Variants in CEP85L observed in about 807,000 individuals in gnomAD.
CEP85L encodes the protein centrosomal protein 85L.
A neutral mutation model predicts 100.3 loss-of-function variants in CEP85L; 60 were observed. The observed-to-expected ratio is 0.60, with a 90% CI of 0.49 to 0.74. CEP85L has a LOEUF of 0.74. Among genes scored for constraint, CEP85L ranks in the 30% least tolerant of loss-of-function variants. The pLI is 0.00. For synonymous variants in CEP85L, 319 were observed against 322.7 expected (o/e 0.99, Z 0.12); for missense variants, 973 against 936.2 (o/e 1.04, Z -0.51).
At chr6:118,495,464 G>A (rs1427840846) in intron 5 of CEP85L, among the ~76,000 whole-genome samples, 2 of 152,106 alleles carry the variant, frequency 1.3e-5, no homozygotes, top group Admixed American at 1.3e-4. Flanking sequence ...GTCTTACAAA[G>A]GGCTTTTCCC....
intron 1 of CEP85L, among the ~76,000 whole-genome samples, chr6:118,684,408 G>C (rs1776764761): frequency 6.6e-6 from 1 of 152,160 alleles, no homozygotes; most frequent in South Asian, 2.1e-4. Flanking sequence ...GAACTGGGAG[G>C]ATGGCTTGAG....
chr6:118,509,883 A>T (rs1775868791), intron 5 of CEP85L, among the ~76,000 whole-genome samples: 1 of 152,100 alleles, frequency 6.6e-6, no homozygotes, highest in Non-Finnish European at 1.5e-5. Context: ...ATAATTAAGG[A>T]AAGTAGCCAT....
intron 2 of CEP85L, among the ~76,000 whole-genome samples, chr6:118,612,998 C>T (rs971687292): frequency 1.3e-5 from 2 of 151,820 alleles, no homozygotes; most frequent in Non-Finnish European, 2.9e-5. Flanking sequence ...GCGGGCGGAT[C>T]GCCTGAAGTC....
chr6:118,652,658 T>C (rs1370931495), upstream of CEP85L: 7 of 1,530,224 alleles, frequency 4.6e-6, no homozygotes, highest in South Asian at 7.2e-5. Flanking sequence ...CTTAAAATTC[T>C]TGGAAGTTAA....
chr6:118,582,856 T>C (rs1175858949), intron 2 of CEP85L, among the ~76,000 whole-genome samples: 1 of 152,156 alleles, frequency 6.6e-6, no homozygotes, highest in Non-Finnish European at 1.5e-5. Context: ...TAGGACCAGA[T>C]AGCACCCTAG....
intron 1 of CEP85L, among the ~76,000 whole-genome samples, chr6:118,661,674 A>G (rs1490916159): frequency 6.6e-6 from 1 of 152,164 alleles, no homozygotes; most frequent in East Asian, 1.9e-4. Flanking sequence ...TAAATCTCTA[A>G]TAATGTAAAT....
chr6:118,501,283 C>G (rs1775284370), intron 5 of CEP85L: 1 of 368,208 alleles, frequency 2.7e-6, no homozygotes. Context: ...CTTGGGGTGC[C>G]ACTTCTGGTC....
chr6:118,558,654 C>CAGAGAGAGAGAGAGAGAGAGAG (rs1376671743), intron 3 of CEP85L, among the ~76,000 whole-genome samples: 3 of 131,546 alleles, frequency 2.3e-5, no homozygotes, highest in African/African-American at 9.8e-5. Context: ...CACACACACA[C>CAGAGAGAGAGAGAGAGAGAGAG]ACACACAGAG....
intron 3 of CEP85L, among the ~76,000 whole-genome samples, chr6:118,562,079 T>C (rs1419861906): frequency 6.6e-6 from 1 of 152,156 alleles, no homozygotes; most frequent in Non-Finnish European, 1.5e-5. Context: ...TTTTATTCAT[T>C]AAAACAGGTA....
At chr6:118,608,753 A>G (rs189333992) in intron 2 of CEP85L, among the ~76,000 whole-genome samples, 1 of 152,346 alleles carries the variant, frequency 6.6e-6, no homozygotes, top group Admixed American at 6.5e-5. Flanking sequence ...AATGTGTTAT[A>G]CATATAAACA....
chr6:118,637,455 T>C lies in CEP85L; in HGVS notation c.74-4844A>G, dbSNP rs531185895. On this transcript the variant is annotated intron_variant, in intron 1 of 12. Coordinates refer to ENST00000368491, the MANE Select transcript of CEP85L (RefSeq NM_001042475.3). ...GCTCACACCTGTAATCCCAGCACTT[T>C]GGGAGGCCAACGCTGGCAGACAGCT... 1.1e-4 allele frequency among the ~76,000 whole-genome samples: 16 copies of C among 151,728 alleles called. No individual in the cohort carries two copies. In the South Asian group the frequency reaches 3.3e-3, roughly 32 times the overall value.
intron 6 of CEP85L, among the ~76,000 whole-genome samples, chr6:118,486,344 G>T (rs1774180940): frequency 1.3e-5 from 2 of 152,012 alleles, no homozygotes; most frequent in African/African-American, 4.8e-5. Context: ...TTTTCAAAGA[G>T]GTATGACGCA....
rs1772304359 is a variant in CEP85L, at chr6:118,462,922, T to G, written c.*2483A>C. The G allele has an allele frequency of 1.3e-5, 2 of 152,006 alleles. No homozygotes were observed. The highest frequency in any genetic ancestry group is 4.8e-5 in the African/African-American group (2 of 41,432). 9.4% of individuals were successfully genotyped at this position (152,006 alleles called of 1,614,324 possible). ...ACAAAATCCCTCCAAGTCTATCTAC[T>G]GTTTATGTAGGCCCCTTTACAAACT... On this transcript the variant is annotated 3_prime_UTR_variant, in exon 13 of 13. Coordinates refer to ENST00000368491, the MANE Select transcript of CEP85L (RefSeq NM_001042475.3).
At chr6:118,616,855 G>C (rs1452252193) in intron 2 of CEP85L, among the ~76,000 whole-genome samples, 13 of 151,534 alleles carry the variant, frequency 8.6e-5, no homozygotes, top group Admixed American at 8.5e-4. Flanking sequence ...TGAGGCAGGA[G>C]AATCACTTGA....
chr6:118,554,483 T>G (rs962017711), intron 3 of CEP85L, among the ~76,000 whole-genome samples: 4 of 152,174 alleles, frequency 2.6e-5, no homozygotes, highest in African/African-American at 9.7e-5. Flanking sequence ...TTCTAATAGT[T>G]TTAGTCATAA....
intron 5 of CEP85L, chr6:118,501,961 A>G (rs1775333911): frequency 2.2e-6 from 2 of 889,572 alleles, no homozygotes; most frequent in Admixed American, 2.0e-5. Context: ...TGACTGCATC[A>G]TGAAGGAATC....
intron 1 of CEP85L, among the ~76,000 whole-genome samples, chr6:118,633,664 A>G (rs554959115): frequency 2.0e-5 from 3 of 152,178 alleles, no homozygotes; most frequent in South Asian, 2.1e-4. Context: ...TACTCAAAGG[A>G]TATCAATGGA....
intron 3 of CEP85L, among the ~76,000 whole-genome samples, chr6:118,551,718 T>C (rs1319825987): frequency 2.0e-5 from 3 of 152,150 alleles, no homozygotes; most frequent in East Asian, 1.9e-4. Context: ...TTTTTATGCA[T>C]ATACAATTAT....
intron 4 of CEP85L, among the ~76,000 whole-genome samples, chr6:118,517,801 C>T (rs1032578643): frequency 6.6e-6 from 1 of 152,172 alleles, no homozygotes; most frequent in Non-Finnish European, 1.5e-5. Flanking sequence ...AGAGGGCATC[C>T]TTGTCTTGTG....
Sources: gnomAD v4.1 joint callset for allele counts (sites outside exome capture counted in the v4.1 genomes callset) on GRCh38, gnomAD v4.1.1 for gene constraint, MANE v1.5 for transcripts, NCBI Gene and HGNC (gene_info 2026-07-23, HGNC 2026-07-21) for gene names.